The following NRXN3 variants were observed in gnomAD, a reference collection of about 807,000 sequenced individuals.
The protein encoded by NRXN3 is neurexin 3.
Under a neutral mutation model 137.6 loss-of-function variants are expected in NRXN3, and 32 were observed. The observed-to-expected ratio is 0.23, with a 90% CI of 0.18 to 0.31. NRXN3 has a LOEUF of 0.31. Ranked by LOEUF, NRXN3 falls within the 10% of genes least tolerant of loss-of-function variation. The pLI is 1.00. For synonymous variants in NRXN3, 798 were observed against 784.5 expected (o/e 1.02, Z -0.29); for missense variants, 1,574 against 2,062.5 (o/e 0.76, Z 4.59).
intron 10 of NRXN3, among the ~76,000 whole-genome samples, chr14:78,847,483 G>T (rs1292387582): frequency 6.6e-6 from 1 of 152,022 alleles, no homozygotes; most frequent in Admixed American, 6.6e-5. Context: ...GCTTTGTGTG[G>T]CTGTCTGGAC....
At chr14:79,610,700 C>G (rs1260578082) in intron 16 of NRXN3, among the ~76,000 whole-genome samples, 11 of 152,160 alleles carry the variant, frequency 7.2e-5, no homozygotes, top group Admixed American at 7.2e-4. Flanking sequence ...GAGTTTTTCC[C>G]CAAAGACTCA....
At chr14:79,528,623 TG>T (rs1209303382) in intron 16 of NRXN3, among the ~76,000 whole-genome samples, 1 of 151,642 alleles carries the variant, frequency 6.6e-6, no homozygotes, top group African/African-American at 2.4e-5. Context: ...TCTTTTTGTT[TG>T]TTTGTTTAAC....
At chr14:79,020,141 TCCC>T (rs1330673335) in intron 15 of NRXN3, among the ~76,000 whole-genome samples, 22 of 10,122 alleles carry the variant, frequency 2.2e-3, no homozygotes, top group African/African-American at 0.018. Flanking sequence ...TCCCTTCCCT[TCCC>T]TTCCCTTCCC....
At chr14:78,670,889 G>A (rs146608071) in intron 6 of NRXN3, among the ~76,000 whole-genome samples, 70 of 152,300 alleles carry the variant, frequency 4.6e-4, no homozygotes, top group Non-Finnish European at 8.8e-4. Context: ...GGAAAGTGCT[G>A]TTTTTGATGG....
chr14:79,577,649 A>G (rs977931470), intron 16 of NRXN3, among the ~76,000 whole-genome samples: 1 of 152,208 alleles, frequency 6.6e-6, no homozygotes, highest in African/African-American at 2.4e-5. Context: ...GCCTCATTGG[A>G]CAATAAACTC....
intron 19 of NRXN3, among the ~76,000 whole-genome samples, chr14:79,792,259 T>C (rs990394083): frequency 6.6e-5 from 10 of 152,160 alleles, no homozygotes; most frequent in Non-Finnish European, 1.3e-4. Context: ...AGAATAGGGC[T>C]GGAGTGCATT....
At chr14:78,345,353 A>G (rs2082607454) in intron 4 of NRXN3, among the ~76,000 whole-genome samples, 2 of 152,204 alleles carry the variant, frequency 1.3e-5, no homozygotes, top group South Asian at 2.1e-4. Flanking sequence ...TAAATCGCAC[A>G]AGGAAGGCAG....
chr14:78,488,764 A>G (rs56970537), intron 4 of NRXN3, among the ~76,000 whole-genome samples: 2,434 of 146,404 alleles, frequency 0.017, 62 homozygotes, highest in African/African-American at 0.058. Context: ...GAGGAGGAGG[A>G]TGAAGAAGAA....
chr14:78,988,674 G>A (rs1468565435), intron 15 of NRXN3, among the ~76,000 whole-genome samples: 4 of 152,014 alleles, frequency 2.6e-5, no homozygotes, highest in East Asian at 3.9e-4. Flanking sequence ...GCGTTCTTGG[G>A]TATCTTTCAG....
intron 19 of NRXN3, among the ~76,000 whole-genome samples, chr14:79,728,200 G>C (rs181436105): frequency 2.2e-4 from 33 of 152,294 alleles, no homozygotes; most frequent in Admixed American, 1.4e-3. Context: ...GGAACAGTCT[G>C]ATTTTTAAAG....
At chr14:79,507,096 GA>G (rs2096885858) in intron 16 of NRXN3, among the ~76,000 whole-genome samples, 1 of 152,128 alleles carries the variant, frequency 6.6e-6, no homozygotes, top group Non-Finnish European at 1.5e-5. Flanking sequence ...ACCAAATTCT[GA>G]AGATATTTTC....
chr14:78,957,229 C>A lies in NRXN3; in HGVS notation c.2276-13C>A, dbSNP rs1368958823. On this transcript the variant is annotated splice_polypyrimidine_tract_variant and intron_variant, in intron 10 of 20. Coordinates refer to ENST00000335750, the MANE Select transcript of NRXN3 (RefSeq NM_001330195.2). The stretch of plus-strand genomic sequence containing the variant: ...GAATTGATTCTAACTTTGGCACTTA[C>A]TACCATCCTTAGGCAAAGGACCAGA... The A allele has an allele frequency of 3.1e-6, 5 of 1,613,010 alleles. No homozygotes were observed. Among genetic ancestry groups the A allele is most frequent in the Non-Finnish European group, 4.2e-6 (5 of 1,179,570 alleles).
At chr14:79,482,687 G>GAA (rs919413556) in intron 16 of NRXN3, among the ~76,000 whole-genome samples, 9 of 149,550 alleles carry the variant, frequency 6.0e-5, no homozygotes, top group Non-Finnish European at 1.2e-4. Flanking sequence ...CTGGGGGGGA[G>GAA]AAAAAAAAAC....
At chr14:79,372,394 A>G (rs1055259128) in intron 15 of NRXN3, among the ~76,000 whole-genome samples, 8 of 152,144 alleles carry the variant, frequency 5.3e-5, no homozygotes, top group Non-Finnish European at 1.0e-4. Flanking sequence ...TCCCTGATAC[A>G]ATAAAAATAA....
At chr14:78,253,177 A>G (rs2068920555) in intron 2 of NRXN3, among the ~76,000 whole-genome samples, 1 of 152,240 alleles carries the variant, frequency 6.6e-6, no homozygotes, top group South Asian at 2.1e-4. Context: ...GTACAATCAC[A>G]TGATGTGCTT....
chr14:78,196,534 C>G (rs148822913), intron 1 of NRXN3, among the ~76,000 whole-genome samples: 1 of 152,310 alleles, frequency 6.6e-6, no homozygotes, highest in Non-Finnish European at 1.5e-5. Context: ...TAGGTGGCAA[C>G]AGAGAGCAAC....
intron 4 of NRXN3, among the ~76,000 whole-genome samples, chr14:78,472,740 T>G (rs916858942): frequency 1.3e-5 from 2 of 152,112 alleles, no homozygotes; most frequent in African/African-American, 4.8e-5. Flanking sequence ...CGTTGGAGTT[T>G]ATTTTGGGAA....
chr14:79,807,592 A>G (rs1373334147), intron 20 of NRXN3, among the ~76,000 whole-genome samples: 1 of 152,206 alleles, frequency 6.6e-6, no homozygotes, highest in African/African-American at 2.4e-5. Flanking sequence ...AGCAGAGGAC[A>G]GAAATTCAAC....
At chr14:79,188,507 TA>T (rs1351238023) in intron 15 of NRXN3, among the ~76,000 whole-genome samples, 1 of 152,188 alleles carries the variant, frequency 6.6e-6, no homozygotes, top group Admixed American at 6.5e-5. Flanking sequence ...CACATGTAGT[TA>T]ATGGATCTCC....
Sources: gnomAD v4.1 joint callset for allele counts (sites outside exome capture counted in the v4.1 genomes callset) on GRCh38, gnomAD v4.1.1 for gene constraint, MANE v1.5 for transcripts, NCBI Gene and HGNC (gene_info 2026-07-23, HGNC 2026-07-21) for gene names.